CCND3: variants seen among roughly 807,000 people sequenced by gnomAD.
CCND3 encodes cyclin D3.
In CCND3, 9 loss-of-function variants were observed where a neutral mutation model predicts 28.7. The observed-to-expected ratio is 0.31, with a 90% confidence interval of 0.19 to 0.55. CCND3 has a LOEUF of 0.55. CCND3 is among the 20% of genes least tolerant of loss of function. The pLI is 0.93. For missense variants in CCND3, 315 were observed against 385.8 expected (o/e 0.82, Z 1.54); for synonymous variants, 164 against 163.9 (o/e 1.00, Z 0.00).
At chr6:42,012,776 A>G (rs904169449) in intron 1 of CCND3, among the ~76,000 whole-genome samples, 3 of 152,178 alleles carry the variant, frequency 2.0e-5, no homozygotes, top group African/African-American at 7.2e-5. Flanking sequence ...TCTCATGCAT[A>G]GTATGACCTG....
In CCND3 at chr6:42,022,891, C is replaced by T. The variant is rs185836749; in HGVS notation, c.-46+25610G>A. On this transcript the variant is annotated intron_variant, in intron 1 of 4. Transcript: ENST00000372988. ...GATGGCGCTGGCCTAAGAGCTGGCT[C>T]GGGGTGCTGGAGGCCCCATGCTGGG... Among the ~76,000 whole-genome samples, 594 of 147,628 alleles carry T rather than the reference C, an allele frequency of 4.0e-3. 1 individual carries two copies. The highest frequency in any genetic ancestry group is 0.017 in the Middle Eastern group (5 of 288).
At chr6:42,035,688 T>C (rs1302423829) in intron 1 of CCND3, among the ~76,000 whole-genome samples, 3 of 133,288 alleles carry the variant, frequency 2.3e-5, no homozygotes, top group African/African-American at 8.4e-5. Flanking sequence ...TTTTCTTTTT[T>C]TTTTTTTGAG....
chr6:41,936,420 T>G lies in CCND3; in HGVS notation c.711+139A>C. The G allele has an allele frequency of 9.6e-7, 1 of 1,036,940 alleles. No individual in the cohort carries two copies. Among genetic ancestry groups the G allele is most frequent in the Non-Finnish European group, 1.4e-6 (1 of 704,264 alleles). The allele number at this position is 1,036,940 out of a possible 1,614,324, so 64.2% of individuals were successfully genotyped here. On this transcript the variant is annotated intron_variant, in intron 4 of 4. Transcript: ENST00000372991. The surrounding 1 kb of genome is among the most constrained non-coding windows in gnomAD (Gnocchi z 4.4). ...CTCTTCCCCAGACCAAGGCAGGAGA[T>G]AAAAAGCCACAAAGCCCCAAGGTTG...
chr6:42,039,008 T>C (rs1764300474), intron 1 of CCND3, among the ~76,000 whole-genome samples: 1 of 152,166 alleles, frequency 6.6e-6, no homozygotes, highest in Admixed American at 6.5e-5. Flanking sequence ...GGTCATAAAT[T>C]CAGTTATATC....
At chr6:42,014,365 C>CAAACAAAACAAAACA (rs66873567) in intron 1 of CCND3, among the ~76,000 whole-genome samples, 2,560 of 148,806 alleles carry the variant, frequency 0.017, 39 homozygotes, top group Non-Finnish European at 0.027. Flanking sequence ...GACTCTGTCT[C>CAAACAAAACAAAACA]AAACAAAACA....
intron 1 of CCND3, among the ~76,000 whole-genome samples, chr6:41,954,410 G>A (rs1031771080): frequency 4.6e-5 from 7 of 151,658 alleles, no homozygotes; most frequent in Non-Finnish European, 1.0e-4. Context: ...ATTTAGCCGG[G>A]TGTTGTGGCG....
intron 1 of CCND3, among the ~76,000 whole-genome samples, chr6:41,960,838 G>T (rs1228436398): frequency 6.6e-6 from 1 of 152,106 alleles, no homozygotes; most frequent in Admixed American, 6.6e-5. Context: ...CAAAGCAGGG[G>T]ACCAAGATCA....
chr6:41,941,235 C>T lies in CCND3; in HGVS notation c.198+217G>A. On this transcript the variant is annotated intron_variant, in intron 1 of 4. Transcript: ENST00000372991. This position sits in a 1 kb window ranked among gnomAD's most constrained non-coding sequence, Gnocchi z 6.1. ...CCCGAAGAGAGGCACAGTTAGGGTG[C>T]CAAGTGACTGGCAGTCACTGTCGGG... 1.4e-6 allele frequency: 2 copies of T among 1,432,650 alleles called. No homozygotes were observed. The highest frequency in any genetic ancestry group is 1.8e-6 in the Non-Finnish European group (2 of 1,097,286). The allele number at this position is 1,432,650 out of a possible 1,614,324, so 88.7% of individuals were successfully genotyped here.
intron 1 of CCND3, among the ~76,000 whole-genome samples, chr6:42,009,342 T>C (rs1344852159): frequency 1.3e-5 from 2 of 152,094 alleles, no homozygotes; most frequent in African/African-American, 4.8e-5. Flanking sequence ...CCAGAAGCGG[T>C]GGCTCACACC....
Position 42,048,490 on chromosome 6 carries a change from C to T in CCND3, c.-46+11G>A, listed in dbSNP as rs745652161. On this transcript the variant is annotated intron_variant, in intron 1 of 4. Coordinates refer to the CCND3 transcript ENST00000372988. This position sits in a 1 kb window ranked among gnomAD's most constrained non-coding sequence, Gnocchi z 4.7. ...CCCATCTACCCCGGTTTCTCCAGCA[C>T]CCAAGCCTACCTCCTCGTCAGGTGA... is the stretch of plus-strand genomic sequence containing the variant. 2 of 509,224 alleles carry T rather than the reference C, an allele frequency of 3.9e-6. No homozygotes were observed. The highest frequency in any genetic ancestry group is 7.8e-6 in the Non-Finnish European group (2 of 255,766). The allele number at this position is 509,224 out of a possible 1,614,324, so 31.5% of individuals were successfully genotyped here. A position where few individuals can be genotyped will look rare whatever the true frequency, so the allele number is the denominator to read the frequency against.
Position 41,941,744 on chromosome 6 carries a change from C to T in CCND3, c.-95G>A, listed in dbSNP as rs1189625761. On this transcript the variant is annotated 5_prime_UTR_variant, in exon 1 of 5. Coordinates refer to ENST00000372991, the MANE Select transcript of CCND3 (RefSeq NM_001760.5). This position sits in a 1 kb window ranked among gnomAD's most constrained non-coding sequence, Gnocchi z 6.1. ...GCGCGGGGCGCGGGTCTGGCGCTGGCGCTGGCACTGCGCGGCGGATCCCCA... is the reference window on the plus strand; with the variant it reads ...GCGCGGGGCGCGGGTCTGGCGCTGGTGCTGGCACTGCGCGGCGGATCCCCA... The T allele has an allele frequency of 1.6e-5, 14 of 887,348 alleles. No individual in the cohort carries two copies. The highest frequency in any genetic ancestry group is 2.1e-5 in the Non-Finnish European group (14 of 675,050). The allele number at this position is 887,348 out of a possible 1,614,324, so 55.0% of individuals were successfully genotyped here.
upstream of CCND3, chr6:42,050,005 GTTTCT>G (rs1764689330): frequency 6.6e-6 from 1 of 152,568 alleles, no homozygotes. Context: ...ATTAAAATAG[GTTTCT>G]TTTAACTCAG....
At chr6:41,962,360 A>C (rs1761742127) in intron 1 of CCND3, among the ~76,000 whole-genome samples, 1 of 151,804 alleles carries the variant, frequency 6.6e-6, no homozygotes, top group African/African-American at 2.4e-5. Flanking sequence ...TCGGCCTCGC[A>C]AAGTGTTGGG....
At chr6:41,954,764 A>G (rs910800624) in intron 1 of CCND3, among the ~76,000 whole-genome samples, 1 of 152,076 alleles carries the variant, frequency 6.6e-6, no homozygotes, top group Non-Finnish European at 1.5e-5. Flanking sequence ...TTTTACAGAG[A>G]GGTTAAGCAA....
chr6:41,951,797 C>T (rs1049144497), intron 1 of CCND3, among the ~76,000 whole-genome samples: 5 of 151,682 alleles, frequency 3.3e-5, no homozygotes, highest in Non-Finnish European at 2.9e-5. Flanking sequence ...CTCGCTCTGT[C>T]GCCCAGGCTG....
intron 1 of CCND3, among the ~76,000 whole-genome samples, chr6:42,027,674 T>G (rs1763919134): frequency 6.6e-6 from 1 of 151,940 alleles, no homozygotes; most frequent in Non-Finnish European, 1.5e-5. Context: ...CCAAATCTCC[T>G]CCTCACTGCT....
chr6:41,999,298 G>A (rs1762914942), intron 1 of CCND3, among the ~76,000 whole-genome samples: 1 of 152,082 alleles, frequency 6.6e-6, no homozygotes, highest in Non-Finnish European at 1.5e-5. Context: ...GCCCGGGCTG[G>A]AGTGCAATGG....
In CCND3 at chr6:42,003,938, C is replaced by CAA. The variant is rs34911832; in HGVS notation, c.-46+44561_-46+44562dup. ...TGGGCGACAGAGTGAGACCCTATCTCAAAAAAAAAAAAAAAAAAAAGTTTA... is the reference window on the plus strand; with the variant it reads ...TGGGCGACAGAGTGAGACCCTATCTCAAAAAAAAAAAAAAAAAAAAAAGTTTA... On this transcript the variant is annotated intron_variant, in intron 1 of 4. Transcript: ENST00000372988. 1.9e-3 allele frequency among the ~76,000 whole-genome samples: 158 copies of CAA among 85,260 alleles called. 1 individual carries two copies. The highest frequency in any genetic ancestry group is 1.9e-3 in the Non-Finnish European group (80 of 42,102). The allele number at this position is 85,260 out of a possible 152,430, so 55.9% of individuals were successfully genotyped here.
upstream of CCND3, among the ~76,000 whole-genome samples, chr6:41,945,222 C>T (rs1776137970): frequency 6.6e-6 from 1 of 152,022 alleles, no homozygotes; most frequent in Non-Finnish European, 1.5e-5. Context: ...CATCAAAATA[C>T]CCCCATCTGG....
Sources: allele counts gnomAD v4.1 joint callset (sites outside exome capture counted in the v4.1 genomes callset), GRCh38; gene constraint gnomAD v4.1.1; non-coding constraint Gnocchi (gnomAD v3.1); transcripts MANE v1.5; gene names NCBI Gene and HGNC (gene_info 2026-07-23, HGNC 2026-07-21).